Variants in GSG1L observed in about 807,000 individuals in gnomAD.
GSG1L encodes the protein germ cell-specific gene 1-like protein.
In GSG1L, 24 loss-of-function variants were observed where a neutral mutation model predicts 42.1. The observed-to-expected ratio is 0.57, with a 90% CI of 0.41 to 0.80. GSG1L has a LOEUF of 0.80. Among genes scored for constraint, GSG1L ranks in the 30% least tolerant of loss-of-function variants. The pLI is 0.00. For missense variants in GSG1L, 445 were observed against 472.2 expected, an observed-to-expected ratio of 0.94 and a Z score of 0.53; for synonymous variants, 215 against 203.5, an observed-to-expected ratio of 1.06 and a Z score of -0.48.
At chr16:27,995,565 A>G (rs4788029) in intron 1 of GSG1L, among the ~76,000 whole-genome samples, 119,544 of 151,984 alleles carry the variant, frequency 0.79, 47,233 homozygotes, top group East Asian at 0.85. Context: ...TTTAAAGACC[A>G]CAGGGACACA....
At chr16:28,004,846 C>T (rs1229867921) in intron 1 of GSG1L, among the ~76,000 whole-genome samples, 3 of 151,732 alleles carry the variant, frequency 2.0e-5, no homozygotes, top group African/African-American at 7.3e-5. Flanking sequence ...ACAAAGAGAC[C>T]AAAATGGAGA....
intron 5 of GSG1L, among the ~76,000 whole-genome samples, chr16:27,817,911 A>G (rs1184845283): frequency 6.6e-6 from 1 of 151,764 alleles, no homozygotes; most frequent in Admixed American, 6.6e-5. Flanking sequence ...GGCCACATCC[A>G]CCTCCTGACC....
chr16:27,943,289 C>A (rs918969563), intron 2 of GSG1L, among the ~76,000 whole-genome samples: 2 of 152,014 alleles, frequency 1.3e-5, no homozygotes, highest in African/African-American at 4.8e-5. Context: ...ACTTGAAGAA[C>A]CAGTGGCATT....
chr16:28,008,740 C>A (rs1567554105), intron 1 of GSG1L, among the ~76,000 whole-genome samples: 1 of 152,214 alleles, frequency 6.6e-6, no homozygotes, highest in South Asian at 2.1e-4. Context: ...CCTCACTGCA[C>A]ATTTGAGTTA....
chr16:27,875,726 T>G (rs1261864037), intron 3 of GSG1L, among the ~76,000 whole-genome samples: 1 of 152,154 alleles, frequency 6.6e-6, no homozygotes, highest in Non-Finnish European at 1.5e-5. Context: ...GCATGGTAAT[T>G]TGTTTAGAAA....
chr16:28,063,083 G>A lies in GSG1L; in HGVS notation c.342C>T (p.Ser114=). The part of the protein sequence containing the change: ...GIWYSCEEEL[S]GLGEKCRSFI... ...CCGCCCGCGCGCACTCACCAAGCCCGCTGAGCTCCTCCTCGCACGAGTACC... is the reference window on the plus strand; with the variant it reads ...CCGCCCGCGCGCACTCACCAAGCCCACTGAGCTCCTCCTCGCACGAGTACC... The change falls in exon 1 of 7, where the codon AGC becomes AGT. Residue 114 remains serine, a synonymous_variant. Transcript: ENST00000447459. This position sits in a 1 kb window ranked among gnomAD's most constrained non-coding sequence, Gnocchi z 5.8. 7.0e-7 allele frequency: 1 copy of A among 1,428,974 alleles called. No individual in the cohort carries two copies. The allele number at this position is 1,428,974 out of a possible 1,614,324, so 88.5% of individuals were successfully genotyped here.
rs1162573512 is a variant in GSG1L at position 27,888,513 on chromosome 16, T to C, written c.398-3875A>G. 3.1e-3 allele frequency among the ~76,000 whole-genome samples: 49 copies of C among 15,772 alleles called. 4 individuals carry two copies. The highest frequency in any genetic ancestry group is 6.7e-3 in the Admixed American group (6 of 898). The allele number at this position is 15,772 out of a possible 152,430, so 10.3% of individuals were successfully genotyped here. On this transcript the variant is annotated intron_variant, in intron 2 of 6. Transcript: ENST00000447459. The stretch of plus-strand genomic sequence containing the variant: ...TTTCTTTCTTTCTTTCTTTCTTTCT[T>C]TCTTTCTTTCTTTCTTTCTTTCTTT...
chr16:28,000,778 T>G (rs2085571451), intron 1 of GSG1L, among the ~76,000 whole-genome samples: 1 of 152,094 alleles, frequency 6.6e-6, no homozygotes, highest in Non-Finnish European at 1.5e-5. Flanking sequence ...ACATCTCTCC[T>G]CTCCTCCTCC....
At chr16:27,959,137 T>C (rs545689454) in intron 2 of GSG1L, among the ~76,000 whole-genome samples, 84 of 150,458 alleles carry the variant, frequency 5.6e-4, no homozygotes, top group African/African-American at 2.0e-3. Flanking sequence ...TGGCTGTTGA[T>C]TGGGGTTTCC....
intron 3 of GSG1L, among the ~76,000 whole-genome samples, chr16:27,864,527 G>T (rs2083692526): frequency 6.6e-6 from 1 of 152,202 alleles, no homozygotes; most frequent in African/African-American, 2.4e-5. Context: ...GTCATCAAAT[G>T]GACTTAATCT....
chr16:27,800,338 C>T (rs1461011000), intron 6 of GSG1L, among the ~76,000 whole-genome samples: 1 of 152,174 alleles, frequency 6.6e-6, no homozygotes, highest in Non-Finnish European at 1.5e-5. Flanking sequence ...TGGCAGAGAC[C>T]CATCTAGATG....
intron 3 of GSG1L, among the ~76,000 whole-genome samples, chr16:27,848,485 T>C (rs1299284617): frequency 6.6e-6 from 1 of 152,186 alleles, no homozygotes; most frequent in Non-Finnish European, 1.5e-5. Context: ...ATGTATTCAT[T>C]CAATCAGCCA....
chr16:27,928,089 A>C lies in GSG1L; in HGVS notation c.397+35067T>G, dbSNP rs143768737. Reference sequence around the variant, plus strand: ...TCCCTGAGAAAGTGAGCACTCAATAAATACTTATTCAGCAAATGCAGATAA... The same window carrying C: ...TCCCTGAGAAAGTGAGCACTCAATACATACTTATTCAGCAAATGCAGATAA... On this transcript the variant is annotated intron_variant, in intron 2 of 6. Transcript: ENST00000447459. Among the ~76,000 whole-genome samples, 643 of 152,284 alleles carry C rather than the reference A, an allele frequency of 4.2e-3. 3 individuals carry two copies. Among genetic ancestry groups the C allele is most frequent in the African/African-American group, 0.011 (476 of 41,540 alleles).
chr16:27,945,693 G>A (rs954720759), intron 2 of GSG1L, among the ~76,000 whole-genome samples: 4 of 152,244 alleles, frequency 2.6e-5, no homozygotes, highest in Non-Finnish European at 5.9e-5. Context: ...CAGCCCTCTG[G>A]GAACAGTTCC....
intron 1 of GSG1L, among the ~76,000 whole-genome samples, chr16:28,007,478 G>T (rs2085654737): frequency 1.2e-5 from 1 of 84,542 alleles, no homozygotes. Flanking sequence ...ATGTGTGTGT[G>T]GTTGGTTGGT....
chr16:27,909,881 A>G (rs2084364312), intron 2 of GSG1L, among the ~76,000 whole-genome samples: 1 of 151,826 alleles, frequency 6.6e-6, no homozygotes, highest in South Asian at 2.1e-4. Context: ...CATTGTTAAG[A>G]ACATCAAGGT....
intron 1 of GSG1L, among the ~76,000 whole-genome samples, chr16:27,997,309 CT>C (rs34188570): frequency 8.8e-3 from 619 of 70,644 alleles, no homozygotes; most frequent in African/African-American, 0.025. Context: ...GTGTTCTCCA[CT>C]TTTTTTTTTT....
At chr16:28,011,116 T>A (rs2085712581) in intron 1 of GSG1L, among the ~76,000 whole-genome samples, 1 of 152,196 alleles carries the variant, frequency 6.6e-6, no homozygotes, top group Non-Finnish European at 1.5e-5. Context: ...TCACCCTGAT[T>A]TCCAACAAGG....
intron 4 of GSG1L, among the ~76,000 whole-genome samples, chr16:27,830,935 G>T (rs1339073843): frequency 6.6e-6 from 1 of 152,234 alleles, no homozygotes; most frequent in East Asian, 1.9e-4. Flanking sequence ...ATTCTGTTAA[G>T]GGATCACTCC....
Sources: allele counts gnomAD v4.1 joint callset (sites outside exome capture counted in the v4.1 genomes callset), GRCh38; gene constraint gnomAD v4.1.1; non-coding constraint Gnocchi (gnomAD v3.1); transcripts MANE v1.5; gene names NCBI Gene and HGNC (gene_info 2026-07-23, HGNC 2026-07-21).